PEBP4: variants seen among roughly 807,000 people sequenced by gnomAD.
PEBP4 encodes the protein phosphatidylethanolamine binding protein 4.
In PEBP4, 22 loss-of-function variants were observed where a neutral mutation model predicts 23.9. The ratio of observed to expected loss-of-function variants is 0.92; its 90% CI spans 0.66 to 1.31. The LOEUF is 1.31. Ranked by LOEUF, PEBP4 falls within the 40% of genes most tolerant of loss-of-function variation. The probability of loss-of-function intolerance (pLI) is 0.00; values close to 1 mark genes in which losing one functional copy is unlikely to be tolerated. For synonymous variants in PEBP4, 112 were observed against 99.3 expected, an observed-to-expected ratio of 1.13 and a Z score of -0.76; for missense variants, 324 against 281.7, an observed-to-expected ratio of 1.15 and a Z score of -1.07.
intron 3 of PEBP4, among the ~76,000 whole-genome samples, chr8:22,819,076 C>T (rs1806805551): frequency 6.6e-6 from 1 of 152,090 alleles, no homozygotes; most frequent in South Asian, 2.1e-4. Context: ...GAGGAGAGAT[C>T]AGGACTGGGT....
chr8:22,848,570 G>T (rs1307530422), intron 3 of PEBP4, among the ~76,000 whole-genome samples: 1 of 152,160 alleles, frequency 6.6e-6, no homozygotes, highest in East Asian at 1.9e-4. Context: ...AGCTCTGCCT[G>T]GCTGTTCCCA....
intron 3 of PEBP4, among the ~76,000 whole-genome samples, chr8:22,857,544 A>G (rs147012854): frequency 7.6e-4 from 116 of 152,340 alleles, no homozygotes; most frequent in African/African-American, 2.6e-3. Context: ...CTAAGATGAC[A>G]GCAGGCCAGA....
rs66800038 is a variant in PEBP4, at chr8:22,751,630, CTGTGTG to C, written c.358-24416_358-24411del. Among the ~76,000 whole-genome samples, 752 of 137,462 alleles carry C rather than the reference CTGTGTG, an allele frequency of 5.5e-3. 7 individuals are homozygous for C. Among genetic ancestry groups the C allele is most frequent in the African/African-American group, 0.016 (555 of 34,706 alleles). The allele number at this position is 137,462 out of a possible 152,430, so 90.2% of individuals were successfully genotyped here. A position where few individuals can be genotyped will look rare whatever the true frequency, so the allele number is the denominator to read the frequency against. On this transcript the variant is annotated intron_variant, in intron 4 of 6. Coordinates refer to ENST00000256404, the MANE Select transcript of PEBP4 (RefSeq NM_144962.3). Reference sequence around the variant, plus strand: ...TGTGTCTGTGTGTGTGTGTGTGTCTCTGTGTGTGTGTGTGTGTGTGTGTGTGTTGTG... The same window carrying C: ...TGTGTCTGTGTGTGTGTGTGTGTCTCTGTGTGTGTGTGTGTGTGTGTTGTG...
intron 4 of PEBP4, 24 bp downstream of exon 4, chr8:22,817,613 G>C (rs1429752299): frequency 1.3e-6 from 2 of 1,595,946 alleles, no homozygotes; most frequent in Admixed American, 1.7e-5. Flanking sequence ...AAATGCGTCA[G>C]AGAGTGCCTC....
At chr8:22,904,582 A>T (rs1012199721) in intron 3 of PEBP4, among the ~76,000 whole-genome samples, 1 of 152,214 alleles carries the variant, frequency 6.6e-6, no homozygotes, top group Non-Finnish European at 1.5e-5. Flanking sequence ...AATTACAGAC[A>T]AGTGTAAAGG....
At chr8:22,778,295 A>G (rs1400111035) in intron 4 of PEBP4, among the ~76,000 whole-genome samples, 2 of 151,862 alleles carry the variant, frequency 1.3e-5, no homozygotes, top group East Asian at 3.9e-4. Flanking sequence ...GGACAGATCC[A>G]TGTGCTTCCA....
At chr8:22,918,949 A>ACACATGTGCG (rs1484978055) in intron 3 of PEBP4, among the ~76,000 whole-genome samples, 6 of 151,862 alleles carry the variant, frequency 4.0e-5, no homozygotes, top group Non-Finnish European at 7.4e-5. Context: ...ACACATGTGC[A>ACACATGTGCG]CGTGTGCACT....
intron 6 of PEBP4, among the ~76,000 whole-genome samples, chr8:22,716,661 G>A (rs918192666): frequency 6.6e-6 from 1 of 152,224 alleles, no homozygotes; most frequent in Admixed American, 6.5e-5. Flanking sequence ...TCACGTGCTG[G>A]ACAAACTCTG....
intron 2 of PEBP4, among the ~76,000 whole-genome samples, chr8:22,922,594 A>T (rs930072009): frequency 1.1e-5 from 1 of 94,536 alleles, no homozygotes; most frequent in African/African-American, 3.5e-5. Context: ...ACAAAAAAAA[A>T]ACACCATGGT....
intron 4 of PEBP4, among the ~76,000 whole-genome samples, chr8:22,731,318 C>A (rs539995305): frequency 6.6e-6 from 1 of 152,282 alleles, no homozygotes; most frequent in East Asian, 1.9e-4. Context: ...CTCCTCAGCC[C>A]ATTCAATGTG....
intron 4 of PEBP4, among the ~76,000 whole-genome samples, chr8:22,732,647 T>A (rs1804763823): frequency 6.6e-6 from 1 of 151,730 alleles, no homozygotes; most frequent in African/African-American, 2.4e-5. Context: ...TGTGTGTGTG[T>A]GTGTGTGTGT....
chr8:22,751,808 T>C (rs1805272811), intron 4 of PEBP4, among the ~76,000 whole-genome samples: 1 of 152,238 alleles, frequency 6.6e-6, no homozygotes, highest in Admixed American at 6.5e-5. Flanking sequence ...GCCCTTGGCC[T>C]CTGCCTGTTG....
At chr8:22,853,891 C>A (rs1166445579) in intron 3 of PEBP4, among the ~76,000 whole-genome samples, 1 of 152,170 alleles carries the variant, frequency 6.6e-6, no homozygotes, top group Non-Finnish European at 1.5e-5. Context: ...TTGGTTGGGA[C>A]AACAATTATG....
rs115852754 is a variant in PEBP4 at position 22,817,215 on chromosome 8, C to T, written c.357+422G>A. Among the ~76,000 whole-genome samples the T allele has an allele frequency of 4.7e-3, 723 of 152,336 alleles. 4 individuals are homozygous for T. The highest frequency in any genetic ancestry group is 0.016 in the African/African-American group (664 of 41,576). ...GAGGAGCTCCAGGACTTCTCCTGGC[C>T]GGTTCTGCCACCTGCACGTCTCAGA... On this transcript the variant is annotated intron_variant, in intron 4 of 6. Transcript: ENST00000256404.
At chr8:22,716,418 G>T (rs1045245334) in intron 6 of PEBP4, among the ~76,000 whole-genome samples, 2 of 152,212 alleles carry the variant, frequency 1.3e-5, no homozygotes, top group African/African-American at 4.8e-5. Flanking sequence ...GCCACTGGGG[G>T]ATTTCTGGGC....
At chr8:22,813,945 T>C (rs989300359) in intron 4 of PEBP4, among the ~76,000 whole-genome samples, 2 of 152,202 alleles carry the variant, frequency 1.3e-5, no homozygotes, top group Non-Finnish European at 2.9e-5. Flanking sequence ...CCTTGGTCTC[T>C]AGAATAGAAG....
chr8:22,828,149 G>A lies in PEBP4; in HGVS notation c.259-10414C>T, dbSNP rs201177154. Among the ~76,000 whole-genome samples, 44 of 152,274 alleles carry A rather than the reference G, an allele frequency of 2.9e-4. No individual in the cohort carries two copies. The East Asian group carries it at 8.3e-3, about 29-fold the overall frequency. On this transcript the variant is annotated intron_variant, in intron 3 of 6. Transcript: ENST00000256404. ...GAGTAAGGGAAAATGGAGGCAGCAG[G>A]GTGAGTGGAAAGCAAGATGGCAGCA...
intron 4 of PEBP4, among the ~76,000 whole-genome samples, chr8:22,794,273 C>T (rs1806197193): frequency 6.7e-6 from 1 of 149,200 alleles, no homozygotes; most frequent in South Asian, 2.2e-4. Flanking sequence ...CTTCTTTCAA[C>T]AACCCTGTGA....
rs951854966 is a variant in PEBP4 at position 22,803,216 on chromosome 8, G to A, written c.357+14421C>T. On this transcript the variant is annotated intron_variant, in intron 4 of 6. Transcript: ENST00000256404. ...ACCTCTTGCCCAATCTCTGGCAGAC[G>A]ACTTCTCCTTGAATATCTCCAGACA... Among the ~76,000 whole-genome samples the A allele has an allele frequency of 2.6e-5, 4 of 152,074 alleles. No homozygotes were observed. In the East Asian group the frequency reaches 5.8e-4, roughly 22 times the overall value.
Sources: gnomAD v4.1 joint callset for allele counts (sites outside exome capture counted in the v4.1 genomes callset) on GRCh38, gnomAD v4.1.1 for gene constraint, MANE v1.5 for transcripts, NCBI Gene and HGNC (gene_info 2026-07-23, HGNC 2026-07-21) for gene names.